IL1R1: variants seen among roughly 807,000 people sequenced by gnomAD.
IL1R1 encodes interleukin-1 receptor type 1.
A neutral mutation model predicts 50.2 loss-of-function variants in IL1R1; 22 were observed. The ratio of observed to expected loss-of-function variants is 0.44; its 90% CI spans 0.31 to 0.63. The LOEUF is 0.63. Among genes scored for constraint, IL1R1 ranks in the 20% least tolerant of loss-of-function variants. The probability of loss-of-function intolerance (pLI) is 0.07; values close to 1 mark genes in which losing one functional copy is unlikely to be tolerated. For synonymous variants in IL1R1, 251 were observed against 236.7 expected, an observed-to-expected ratio of 1.06 and a Z score of -0.55; for missense variants, 509 against 676.2, an observed-to-expected ratio of 0.75 and a Z score of 2.74.
At position 102,166,291 on chromosome 2, in the gene IL1R1, A is replaced by T; in HGVS notation, c.655+10A>T. The T allele has an allele frequency of 6.2e-7, 1 of 1,603,050 alleles. No individual in the cohort carries two copies. Among genetic ancestry groups the T allele is most frequent in the Non-Finnish European group, 8.5e-7 (1 of 1,171,986 alleles). ...GAATTTATTACTCTAGGTGAGTCAT[A>T]GCTCCAGCCCTAAAAGGTTTAGATC... On this transcript the variant is annotated intron_variant, in intron 6 of 11. Coordinates refer to ENST00000410023, the MANE Select transcript of IL1R1 (RefSeq NM_000877.4).
At chr2:102,160,056 T>C (rs547515960) in intron 3 of IL1R1, among the ~76,000 whole-genome samples, 3 of 152,328 alleles carry the variant, frequency 2.0e-5, no homozygotes, top group Admixed American at 6.5e-5. Context: ...CTCCACCATA[T>C]TGGAAATCTT....
intron 9 of IL1R1, among the ~76,000 whole-genome samples, chr2:102,173,245 T>C (rs1380431203): frequency 6.6e-6 from 1 of 152,218 alleles, no homozygotes; most frequent in Admixed American, 6.5e-5. Context: ...ACATTGATGA[T>C]GCATAGGGTA....
At chr2:102,115,561 G>T (rs552068005) in intron 1 of IL1R1, among the ~76,000 whole-genome samples, 1 of 152,322 alleles carries the variant, frequency 6.6e-6, no homozygotes, top group African/African-American at 2.4e-5. Context: ...AGTAGGGGCT[G>T]CAAAGTGCCA....
At chr2:102,167,724 A>C (rs986598462) in intron 6 of IL1R1, among the ~76,000 whole-genome samples, 29 of 152,204 alleles carry the variant, frequency 1.9e-4, no homozygotes, top group African/African-American at 6.0e-4. Flanking sequence ...CTGGGATTAC[A>C]GGTGTGAGCC....
intron 1 of IL1R1, among the ~76,000 whole-genome samples, chr2:102,090,376 T>G (rs1187218895): frequency 1.3e-5 from 2 of 152,170 alleles, no homozygotes; most frequent in Non-Finnish European, 2.9e-5. Context: ...TTGAAAAACG[T>G]TTGGCCACTA....
upstream of IL1R1, among the ~76,000 whole-genome samples, chr2:102,103,990 G>GAAAAAAA (rs72041212): frequency 2.4e-5 from 2 of 83,964 alleles, no homozygotes; most frequent in East Asian, 3.7e-4. Context: ...GACTGTCTCA[G>GAAAAAAA]AAAAAAAAAA....
intron 1 of IL1R1, among the ~76,000 whole-genome samples, chr2:102,127,492 G>A (rs192056204): frequency 6.6e-6 from 1 of 152,266 alleles, no homozygotes; most frequent in East Asian, 1.9e-4. Context: ...TAATACGGCA[G>A]TGTATAAAAC....
intron 1 of IL1R1, among the ~76,000 whole-genome samples, chr2:102,081,205 A>G (rs900258225): frequency 1.3e-5 from 2 of 152,202 alleles, no homozygotes; most frequent in African/African-American, 4.8e-5. Flanking sequence ...GGGTAATTTT[A>G]TGCTGTGTGA....
chr2:102,167,506 G>A (rs1685291759), intron 6 of IL1R1, among the ~76,000 whole-genome samples: 1 of 142,920 alleles, frequency 7.0e-6, no homozygotes, highest in Admixed American at 7.3e-5. Context: ...GGAGTGCAGT[G>A]GTGCGATCTC....
chr2:102,103,908 T>C (rs1680262940), upstream of IL1R1, among the ~76,000 whole-genome samples: 1 of 149,950 alleles, frequency 6.7e-6, no homozygotes, highest in Non-Finnish European at 1.5e-5. Flanking sequence ...CGAGAATCAC[T>C]TGAACCTGGG....
At chr2:102,093,271 T>C (rs1243947105) in intron 1 of IL1R1, among the ~76,000 whole-genome samples, 1 of 152,102 alleles carries the variant, frequency 6.6e-6, no homozygotes, top group Non-Finnish European at 1.5e-5. Flanking sequence ...GAAAAGAAAA[T>C]GTCATCAATC....
upstream of IL1R1, among the ~76,000 whole-genome samples, chr2:102,101,596 A>G (rs778292160): frequency 2.0e-5 from 3 of 152,240 alleles, no homozygotes; most frequent in Non-Finnish European, 4.4e-5. Context: ...AAACACATGG[A>G]TTACAGCCAC....
At chr2:102,156,214 T>TG (rs1684179374) in intron 2 of IL1R1, 1 of 152,684 alleles carries the variant, frequency 6.5e-6, no homozygotes, top group African/African-American at 2.4e-5. Flanking sequence ...CAAAGCCTTC[T>TG]ATCTTATTTA....
chr2:102,140,577 C>T (rs551181487), upstream of IL1R1, among the ~76,000 whole-genome samples: 1 of 152,150 alleles, frequency 6.6e-6, no homozygotes, highest in African/African-American at 2.4e-5. Context: ...TCAGTGTAAG[C>T]AGTAGGCTTT....
chr2:102,084,279 G>A (rs1256049895), intron 1 of IL1R1, among the ~76,000 whole-genome samples: 1 of 152,134 alleles, frequency 6.6e-6, no homozygotes, highest in Non-Finnish European at 1.5e-5. Context: ...TGGAAAAAGA[G>A]GCATTTGTTC....
At chr2:102,131,631 A>G (rs1246939121) in intron 1 of IL1R1, among the ~76,000 whole-genome samples, 1 of 127,034 alleles carries the variant, frequency 7.9e-6, no homozygotes, top group Admixed American at 8.6e-5. Flanking sequence ...ATCGAAAGAC[A>G]TAACAATAGA....
chr2:102,070,906 G>A (rs1279891391), intron 1 of IL1R1, among the ~76,000 whole-genome samples: 1 of 152,130 alleles, frequency 6.6e-6, no homozygotes, highest in Non-Finnish European at 1.5e-5. Context: ...GTGGCTTGGG[G>A]AAGGTGTGTA....
At chr2:102,130,914 T>C (rs973862433) in intron 1 of IL1R1, among the ~76,000 whole-genome samples, 1 of 152,076 alleles carries the variant, frequency 6.6e-6, no homozygotes, top group Non-Finnish European at 1.5e-5. Flanking sequence ...TAAGGAAGGA[T>C]AGTGATCCCT....
chr2:102,113,685 G>T (rs1321568490), intron 1 of IL1R1, among the ~76,000 whole-genome samples: 1 of 152,158 alleles, frequency 6.6e-6, no homozygotes, highest in African/African-American at 2.4e-5. Flanking sequence ...GCCAGTCTCG[G>T]AGGCTGCACC....
Sources: allele counts gnomAD v4.1 joint callset (sites outside exome capture counted in the v4.1 genomes callset), GRCh38; gene constraint gnomAD v4.1.1; transcripts MANE v1.5; gene names NCBI Gene and HGNC (gene_info 2026-07-23, HGNC 2026-07-21).